OSBPL10: variants seen among roughly 807,000 people sequenced by gnomAD.
OSBPL10 encodes oxysterol-binding protein-related protein 10.
A neutral mutation model predicts 81.7 loss-of-function variants in OSBPL10; 49 were observed. The ratio of observed to expected loss-of-function variants is 0.60; its 90% CI spans 0.48 to 0.76. OSBPL10 has a LOEUF of 0.76. Among genes scored for constraint, OSBPL10 ranks in the 30% least tolerant of loss-of-function variants. The pLI is 0.00. For missense variants in OSBPL10, 923 were observed against 987.8 expected, an observed-to-expected ratio of 0.93 and a Z score of 0.88; for synonymous variants, 419 against 383.6, an observed-to-expected ratio of 1.09 and a Z score of -1.08.
chr3:31,905,322 G>GCT (rs1696372144), intron 1 of OSBPL10, among the ~76,000 whole-genome samples: 1 of 142,406 alleles, frequency 7.0e-6, no homozygotes, highest in African/African-American at 2.7e-5. Context: ...TCCACAAAGA[G>GCT]CTCTATGTCA....
chr3:31,748,191 A>G, intron 4 of OSBPL10, 71 bp from the exon 5 acceptor site: 4 of 1,384,994 alleles, frequency 2.9e-6, no homozygotes, highest in Non-Finnish European at 3.0e-6. Flanking sequence ...GGCGGCAGAT[A>G]AACCACAGAA....
chr3:31,774,293 T>G (rs1297128596), intron 4 of OSBPL10, among the ~76,000 whole-genome samples: 5 of 151,910 alleles, frequency 3.3e-5, no homozygotes, highest in African/African-American at 4.8e-5. Flanking sequence ...GTTTTTCAGA[T>G]GGAAGAAGTT....
chr3:31,833,737 A>ACT (rs1553631718), intron 3 of OSBPL10, among the ~76,000 whole-genome samples: 2,251 of 139,806 alleles, frequency 0.016, 29 homozygotes, highest in African/African-American at 0.029. Context: ...ACACACACAC[A>ACT]CTCTCTCTCT....
chr3:32,075,688 T>C (rs1699868771), intron 1 of OSBPL10, among the ~76,000 whole-genome samples: 1 of 152,046 alleles, frequency 6.6e-6, no homozygotes, highest in South Asian at 2.1e-4. Context: ...GCCCATTATC[T>C]CTCCATACCA....
upstream of OSBPL10, among the ~76,000 whole-genome samples, chr3:31,981,613 C>A (rs1187446603): frequency 6.6e-6 from 1 of 152,168 alleles, no homozygotes; most frequent in African/African-American, 2.4e-5. This position sits in a 1 kb window ranked among gnomAD's most constrained non-coding sequence, Gnocchi z 4.5. Context: ...GCCACCCTCT[C>A]TTGGATCCGA....
At chr3:31,856,235 T>C (rs1042274901) in intron 3 of OSBPL10, among the ~76,000 whole-genome samples, 2 of 151,936 alleles carry the variant, frequency 1.3e-5, no homozygotes, top group Non-Finnish European at 2.9e-5. Flanking sequence ...GTATGCAAAA[T>C]TGTTGCACTT....
intron 5 of OSBPL10, among the ~76,000 whole-genome samples, chr3:31,745,477 G>A (rs537011605): frequency 1.3e-4 from 20 of 152,176 alleles, no homozygotes; most frequent in African/African-American, 1.9e-4. Context: ...TGCAACTTAA[G>A]TCTGAAATTA....
intron 1 of OSBPL10, among the ~76,000 whole-genome samples, chr3:31,889,447 A>G (rs567455761): frequency 2.6e-5 from 4 of 152,214 alleles, no homozygotes; most frequent in Non-Finnish European, 5.9e-5. Flanking sequence ...GTCTATATAC[A>G]CAATGAAACA....
intron 1 of OSBPL10, among the ~76,000 whole-genome samples, chr3:31,947,031 G>C (rs558442095): frequency 6.6e-6 from 1 of 152,134 alleles, no homozygotes; most frequent in African/African-American, 2.4e-5. Flanking sequence ...AAGAGACAAA[G>C]GCAGGAGGGA....
At chr3:32,062,819 T>C (rs12486990) in intron 1 of OSBPL10, among the ~76,000 whole-genome samples, 30,776 of 93,764 alleles carry the variant, frequency 0.33, 12,364 homozygotes, top group East Asian at 1. Flanking sequence ...CCCCAACAGG[T>C]TTTGCAAATC....
intron 1 of OSBPL10, among the ~76,000 whole-genome samples, chr3:31,926,145 A>G (rs1697066470): frequency 6.6e-6 from 1 of 152,202 alleles, no homozygotes. Context: ...TCCTCTGTAT[A>G]CTTGGTTTTG....
intron 1 of OSBPL10, among the ~76,000 whole-genome samples, chr3:31,979,632 C>A (rs1364379534): frequency 6.6e-6 from 1 of 152,068 alleles, no homozygotes; most frequent in African/African-American, 2.4e-5. Flanking sequence ...AATATCCCAC[C>A]AACCACCTCT....
In OSBPL10 at chr3:31,873,156, G is replaced by C. The variant is rs4532170; in HGVS notation, c.537+3277C>G. Among the ~76,000 whole-genome samples, 4 of 151,886 alleles carry C rather than the reference G, an allele frequency of 2.6e-5. No individual in the cohort carries two copies. In the East Asian group the frequency reaches 7.8e-4, roughly 30 times the overall value. ...GACTCTATATATTTGTCAAAACTCA[G>C]TGAACTTTACACTTAAAAGGAGTTA... On this transcript the variant is annotated intron_variant, in intron 3 of 11. Coordinates refer to ENST00000396556, the MANE Select transcript of OSBPL10 (RefSeq NM_017784.5).
At chr3:31,954,082 T>C (rs1190614515) in intron 1 of OSBPL10, among the ~76,000 whole-genome samples, 1 of 152,184 alleles carries the variant, frequency 6.6e-6, no homozygotes, top group Non-Finnish European at 1.5e-5. Context: ...CAAAAATCAT[T>C]AAGAGAAGTC....
rs185903650 is a variant in OSBPL10 at position 31,734,285 on chromosome 3, G to A, written c.941-874C>T. 1.6e-3 allele frequency among the ~76,000 whole-genome samples: 240 copies of A among 152,198 alleles called. 1 individual carries two copies. The highest frequency in any genetic ancestry group is 5.6e-3 in the African/African-American group (231 of 41,536). ...TCCAGCAAACCAAAAACCATTTTTC[G>A]AATCCTCCACCAACTCCCTTCGGGG... On this transcript the variant is annotated intron_variant, in intron 5 of 11. Transcript: ENST00000396556.
chr3:31,867,766 G>GAA lies in OSBPL10; in HGVS notation c.537+8666_537+8667insTT, dbSNP rs1445395294. ...AAGAGAAAGGAAGGGAGGAAGGAAGGGAGGGAGGGAGGGAGGGAGGGAAAC... is the reference window on the plus strand; with the variant it reads ...AAGAGAAAGGAAGGGAGGAAGGAAGGAAGAGGGAGGGAGGGAGGGAGGGAAAC... On this transcript the variant is annotated intron_variant, in intron 3 of 11. Coordinates refer to ENST00000396556, the MANE Select transcript of OSBPL10 (RefSeq NM_017784.5). Among the ~76,000 whole-genome samples the GAA allele has an allele frequency of 1.7e-3, 237 of 137,566 alleles. 8 individuals are homozygous for GAA. In the South Asian group the frequency reaches 0.026, roughly 15 times the overall value. 90.2% of individuals were successfully genotyped at this position (137,566 alleles called of 152,430 possible). A position where few individuals can be genotyped will look rare whatever the true frequency, so the allele number is the denominator to read the frequency against.
chr3:31,891,316 G>A (rs1695885369), intron 1 of OSBPL10, among the ~76,000 whole-genome samples: 1 of 152,130 alleles, frequency 6.6e-6, no homozygotes, highest in South Asian at 2.1e-4. Context: ...CAGGAGGTCT[G>A]GGTGGAGCAG....
At chr3:31,741,127 G>A (rs1028045785) in intron 5 of OSBPL10, among the ~76,000 whole-genome samples, 10 of 152,116 alleles carry the variant, frequency 6.6e-5, no homozygotes, top group Non-Finnish European at 1.5e-4. Context: ...GTGAATTCAT[G>A]CTTCCCAGGT....
At chr3:31,834,135 CTG>C (rs1254244057) in intron 3 of OSBPL10, among the ~76,000 whole-genome samples, 32 of 152,142 alleles carry the variant, frequency 2.1e-4, no homozygotes, top group African/African-American at 7.5e-4. Flanking sequence ...AATGAGCAGG[CTG>C]TGTTTCCAAA....
Sources: allele counts gnomAD v4.1 joint callset (sites outside exome capture counted in the v4.1 genomes callset), GRCh38; gene constraint gnomAD v4.1.1; non-coding constraint Gnocchi (gnomAD v3.1); transcripts MANE v1.5; gene names NCBI Gene and HGNC (gene_info 2026-07-23, HGNC 2026-07-21).